The following PARD3 variants were observed in gnomAD, a reference collection of about 807,000 sequenced individuals.
PARD3 encodes the protein partitioning defective 3 homolog.
A neutral mutation model predicts 155.4 loss-of-function variants in PARD3; 75 were observed. The ratio of observed to expected loss-of-function variants is 0.48; its 90% CI spans 0.40 to 0.58. PARD3 has a LOEUF of 0.58. Among genes scored for constraint, PARD3 ranks in the 20% least tolerant of loss-of-function variants. The pLI, the probability that PARD3 is intolerant of heterozygous loss-of-function variation, is 0.00. For synonymous variants in PARD3, 576 were observed against 610.5 expected (o/e 0.94, Z 0.83); for missense variants, 1,642 against 1,721.7 (o/e 0.95, Z 0.82).
chr10:34,169,065 G>C (rs954752753), intron 22 of PARD3, among the ~76,000 whole-genome samples: 2 of 152,172 alleles, frequency 1.3e-5, no homozygotes, highest in African/African-American at 4.8e-5. Flanking sequence ...TATGTAAAAT[G>C]CCTCTTCTGT....
At chr10:34,198,839 T>G (rs1951078035) in intron 22 of PARD3, among the ~76,000 whole-genome samples, 1 of 152,104 alleles carries the variant, frequency 6.6e-6, no homozygotes. Context: ...TTTGGGACTG[T>G]GTCACGATGG....
At chr10:34,148,129 C>T (rs576575954) in intron 22 of PARD3, among the ~76,000 whole-genome samples, 2 of 152,282 alleles carry the variant, frequency 1.3e-5, no homozygotes, top group South Asian at 4.1e-4. Context: ...GACAAACACA[C>T]TGACATACAT....
chr10:34,467,158 A>C (rs2078060799), intron 4 of PARD3, among the ~76,000 whole-genome samples: 2 of 152,128 alleles, frequency 1.3e-5, no homozygotes, highest in South Asian at 4.1e-4. Flanking sequence ...AAAAAAGAGA[A>C]AGAGCATGGA....
At chr10:34,775,808 T>C (rs1259130742) in intron 1 of PARD3, among the ~76,000 whole-genome samples, 2 of 152,244 alleles carry the variant, frequency 1.3e-5, no homozygotes, top group Non-Finnish European at 2.9e-5. Flanking sequence ...AATCTGTAGG[T>C]ATTATTCTAG....
intron 24 of PARD3, 140 bp downstream of exon 24, chr10:34,119,473 C>T (rs1946862697): frequency 5.0e-6 from 4 of 805,588 alleles, no homozygotes; most frequent in East Asian, 5.7e-5. Flanking sequence ...ACAGTAGCCA[C>T]GGGACATTTA....
At chr10:34,144,291 A>G (rs891064471) in intron 22 of PARD3, among the ~76,000 whole-genome samples, 1 of 152,180 alleles carries the variant, frequency 6.6e-6, no homozygotes, top group East Asian at 1.9e-4. Context: ...TCTTAAATGA[A>G]ACTTCTGCTT....
chr10:34,308,227 C>T (rs746451321), intron 20 of PARD3, among the ~76,000 whole-genome samples: 2 of 151,998 alleles, frequency 1.3e-5, no homozygotes, highest in Non-Finnish European at 2.9e-5. Context: ...TGAGTGGTGC[C>T]GAAGGCTACT....
intron 3 of PARD3, among the ~76,000 whole-genome samples, chr10:34,479,409 C>A (rs931715581): frequency 2.0e-5 from 3 of 152,152 alleles, no homozygotes; most frequent in Non-Finnish European, 2.9e-5. Context: ...GATCCGCCCA[C>A]CTCGGCCTCC....
intron 2 of PARD3, among the ~76,000 whole-genome samples, chr10:34,591,460 T>C (rs1458446968): frequency 1.3e-5 from 2 of 152,264 alleles, no homozygotes; most frequent in South Asian, 2.1e-4. Context: ...TTCTAAACAC[T>C]GGCTACAGCA....
intron 20 of PARD3, among the ~76,000 whole-genome samples, chr10:34,299,816 TCTAA>T (rs1333037741): frequency 5.9e-5 from 9 of 152,242 alleles, no homozygotes; most frequent in Non-Finnish European, 2.9e-5. Flanking sequence ...TGTAATGGTA[TCTAA>T]CTATTACCAA....
At chr10:34,367,978 C>T (rs764252312) in intron 12 of PARD3, among the ~76,000 whole-genome samples, 11 of 152,128 alleles carry the variant, frequency 7.2e-5, no homozygotes, top group Non-Finnish European at 1.2e-4. Context: ...TGTGGCTGGG[C>T]GCAGTGGCTC....
At chr10:34,121,609 A>G (rs1196394065) in intron 23 of PARD3, among the ~76,000 whole-genome samples, 2 of 152,254 alleles carry the variant, frequency 1.3e-5, no homozygotes, top group East Asian at 3.9e-4. Context: ...TGGCCAGCAC[A>G]GAAAGAAATC....
At chr10:34,150,795 G>A (rs1398128749) in intron 22 of PARD3, among the ~76,000 whole-genome samples, 4 of 152,150 alleles carry the variant, frequency 2.6e-5, no homozygotes, top group Non-Finnish European at 5.9e-5. Flanking sequence ...AAACTCTAAA[G>A]TAAATTAAAA....
intron 20 of PARD3, among the ~76,000 whole-genome samples, chr10:34,304,484 T>C (rs1409831538): frequency 6.6e-6 from 1 of 152,252 alleles, no homozygotes; most frequent in African/African-American, 2.4e-5. Context: ...GAGTGCTTTT[T>C]TCCATAGCAC....
chr10:34,394,264 G>C (rs759349252), intron 7 of PARD3, among the ~76,000 whole-genome samples: 35 of 152,168 alleles, frequency 2.3e-4, no homozygotes, highest in Non-Finnish European at 3.2e-4. Context: ...GACCTCAGGT[G>C]ATCTGCCCAC....
intron 1 of PARD3, among the ~76,000 whole-genome samples, chr10:34,813,181 G>GA (rs1351622930): frequency 6.6e-6 from 1 of 152,202 alleles, no homozygotes; most frequent in Non-Finnish European, 1.5e-5. Flanking sequence ...TTTTGTGCAG[G>GA]ATGAAACATG....
chr10:34,121,676 G>A (rs1406118485), intron 23 of PARD3, among the ~76,000 whole-genome samples: 2 of 152,210 alleles, frequency 1.3e-5, no homozygotes, highest in Non-Finnish European at 2.9e-5. Flanking sequence ...TTGTTGATAA[G>A]CAGTAATGAA....
At chr10:34,744,897 G>T (rs963242920) in intron 1 of PARD3, among the ~76,000 whole-genome samples, 1 of 152,178 alleles carries the variant, frequency 6.6e-6, no homozygotes, top group African/African-American at 2.4e-5. Context: ...GGACCAAAGA[G>T]CTGCAGTGGA....
intron 2 of PARD3, among the ~76,000 whole-genome samples, chr10:34,531,859 T>A (rs2082881789): frequency 6.6e-6 from 1 of 152,184 alleles, no homozygotes; most frequent in South Asian, 2.1e-4. Flanking sequence ...GAAAAATGCA[T>A]GAGAACCAAG....
Sources: gnomAD v4.1 joint callset for allele counts (sites outside exome capture counted in the v4.1 genomes callset) on GRCh38, gnomAD v4.1.1 for gene constraint, MANE v1.5 for transcripts, NCBI Gene and HGNC (gene_info 2026-07-23, HGNC 2026-07-21) for gene names.